Variants in ANKRD17 observed in about 807,000 individuals in gnomAD.
ANKRD17 encodes the protein ankyrin repeat domain 17, also known as ankyrin repeat domain-containing protein 17.
A neutral mutation model predicts 229.7 loss-of-function variants in ANKRD17; 19 were observed. The ratio of observed to expected loss-of-function variants is 0.08; its 90% CI spans 0.06 to 0.12. ANKRD17 has a LOEUF of 0.12. Among genes scored for constraint, ANKRD17 ranks in the 10% least tolerant of loss-of-function variants. The pLI is 1.00. For synonymous variants in ANKRD17, 1,112 were observed against 1,146.1 expected, an observed-to-expected ratio of 0.97 and a Z score of 0.60; for missense variants, 2,176 against 3,176.8, an observed-to-expected ratio of 0.68 and a Z score of 7.57.
intron 16 of ANKRD17, among the ~76,000 whole-genome samples, chr4:73,133,489 A>T (rs72861844): frequency 4.8e-4 from 72 of 150,074 alleles, no homozygotes; most frequent in Admixed American, 1.5e-3. Context: ...CTCCCGGATT[A>T]AAGTGATTCT....
chr4:73,100,585 G>T (rs1007507100), intron 25 of ANKRD17, among the ~76,000 whole-genome samples: 6 of 151,456 alleles, frequency 4.0e-5, no homozygotes, highest in African/African-American at 1.5e-4. Context: ...TCTTAATGTC[G>T]TTGCAGTTAT....
chr4:73,227,478 A>T (rs1742627453), intron 1 of ANKRD17, among the ~76,000 whole-genome samples: 1 of 152,116 alleles, frequency 6.6e-6, no homozygotes, highest in Non-Finnish European at 1.5e-5. Flanking sequence ...AGGCAAGAAA[A>T]TTGTCTTCCC....
intron 1 of ANKRD17, among the ~76,000 whole-genome samples, chr4:73,247,472 T>C (rs1461668257): frequency 6.6e-6 from 1 of 151,958 alleles, no homozygotes; most frequent in Non-Finnish European, 1.5e-5. Flanking sequence ...TCTACCAAAA[T>C]AAAAGATCAA....
intron 2 of ANKRD17, among the ~76,000 whole-genome samples, chr4:73,170,694 G>A (rs887921460): frequency 6.6e-6 from 1 of 150,934 alleles, no homozygotes; most frequent in Admixed American, 6.6e-5. Flanking sequence ...CAAGCTGACT[G>A]AAGAGCCCTT....
chr4:73,124,474 G>A (rs975943672), intron 18 of ANKRD17, among the ~76,000 whole-genome samples: 2 of 151,856 alleles, frequency 1.3e-5, no homozygotes, highest in Non-Finnish European at 2.9e-5. Flanking sequence ...GAAAGGGTGG[G>A]GAAAAATCAA....
At chr4:73,188,141 C>T (rs930490862) in intron 1 of ANKRD17, among the ~76,000 whole-genome samples, 2 of 151,062 alleles carry the variant, frequency 1.3e-5, no homozygotes, top group Admixed American at 1.3e-4. Flanking sequence ...TTGAAAGAAA[C>T]TAAAACTTAG....
intron 16 of ANKRD17, among the ~76,000 whole-genome samples, chr4:73,126,484 T>C (rs1727488225): frequency 6.6e-6 from 1 of 152,076 alleles, no homozygotes; most frequent in Admixed American, 6.6e-5. Flanking sequence ...AAAAAAATTG[T>C]TTCCAAGTAA....
At chr4:73,166,832 T>C (rs925932417) in intron 2 of ANKRD17, among the ~76,000 whole-genome samples, 5 of 152,056 alleles carry the variant, frequency 3.3e-5, no homozygotes, top group African/African-American at 1.2e-4. Context: ...CATGGGTACA[T>C]AGTATGTGTA....
chr4:73,092,011 C>T lies in ANKRD17; in HGVS notation c.5617G>A (p.Val1873Met). The change falls in exon 29 of 34, where the codon GTG (valine) becomes ATG (methionine). Residue 1873 changes from valine to methionine, a missense_variant. By Grantham distance (21) the Val-to-Met change is conservative. Transcript: ENST00000358602. ...HKTIKNPVNN[V>M]RPGFPVSLPL... ...AGAGAAACTGGAAAACCAGGCCTCA[C>T]ATTATTCACTGGGTTCTTAATGGTT... The T allele has an allele frequency of 6.2e-7, 1 of 1,614,202 alleles. No individual in the cohort carries two copies. Among genetic ancestry groups the T allele is most frequent in the Non-Finnish European group, 8.5e-7 (1 of 1,180,032 alleles).
At position 73,144,604 on chromosome 4, in the gene ANKRD17, T is replaced by C. The variant is rs575848480; in HGVS notation, c.1957+141A>G. On this transcript the variant is annotated intron_variant, in intron 11 of 33. Transcript: ENST00000358602. ...TGCATGGCAGGATGTTTATCAACTA[T>C]CCACTCAATCATTAAATGTCAGTAG... is the stretch of plus-strand genomic sequence containing the variant. The C allele has an allele frequency of 4.0e-5, 18 of 453,988 alleles. No individual in the cohort carries two copies. The South Asian group carries it at 1.0e-3, about 26-fold the overall frequency. The allele number at this position is 453,988 out of a possible 1,614,324, so 28.1% of individuals were successfully genotyped here.
At chr4:73,201,661 G>C (rs1345023731) in intron 1 of ANKRD17, among the ~76,000 whole-genome samples, 1 of 152,000 alleles carries the variant, frequency 6.6e-6, no homozygotes, top group African/African-American at 2.4e-5. Flanking sequence ...TGTTTTCCAA[G>C]TTTTCTATGA....
chr4:73,141,710 G>C, intron 14 of ANKRD17, 31 bp downstream of exon 14: 1 of 1,579,888 alleles, frequency 6.3e-7, no homozygotes, highest in East Asian at 2.2e-5. Flanking sequence ...TGGACACCAA[G>C]TAAGAAACAG....
At position 73,258,413 on chromosome 4, in the gene ANKRD17, T is replaced by C; in HGVS notation, c.256A>G (p.Ser86Gly). ...RNRTCRPPSS[S>G]ESSSDSDNSG... ...TTGTCGCTGTCGCTGCTGCTTTCGC[T>C]GCTGCTGGGGGGTCGGCAAGTCCGG... is the stretch of plus-strand genomic sequence containing the variant. The change falls in exon 1 of 34, where the codon AGC (serine) becomes GGC (glycine). Residue 86 changes from serine to glycine, a missense_variant. This residue lies in a region of ANKRD17 where 196 missense variants were observed against 190.0 expected (regional missense o/e 1.03). Coordinates refer to ENST00000358602, the MANE Select transcript of ANKRD17 (RefSeq NM_032217.5). 1.9e-6 allele frequency: 3 copies of C among 1,610,610 alleles called. No homozygotes were observed. Among genetic ancestry groups the C allele is most frequent in the South Asian group, 1.1e-5 (1 of 90,958 alleles).
chr4:73,182,051 C>CAAAAAAAAAAAAAAAA (rs143812968), intron 1 of ANKRD17, among the ~76,000 whole-genome samples: 4 of 43,258 alleles, frequency 9.2e-5, no homozygotes, highest in Non-Finnish European at 1.1e-4. Context: ...CCGTCCCCAC[C>CAAAAAAAAAAAAAAAA]AAAAAAAAAA....
chr4:73,082,156 TAA>T lies in ANKRD17; in HGVS notation c.7159+3091_7159+3092del, dbSNP rs11367760. Among the ~76,000 whole-genome samples, 512 of 129,018 alleles carry T rather than the reference TAA, an allele frequency of 4.0e-3. 1 individual carries two copies. The highest frequency in any genetic ancestry group is 0.013 in the Middle Eastern group (3 of 230). The allele number at this position is 129,018 out of a possible 152,430, so 84.6% of individuals were successfully genotyped here. On this transcript the variant is annotated intron_variant, in intron 30 of 33. Transcript: ENST00000358602. ...CAGAGAGATACATTATCTTTTTATTTAAAAAAAAAAAAAAAAAAAGGGGGGCC... is the reference window on the plus strand; with the variant it reads ...CAGAGAGATACATTATCTTTTTATTTAAAAAAAAAAAAAAAAAGGGGGGCC...
At chr4:73,155,406 A>C (rs1038152179) in intron 5 of ANKRD17, among the ~76,000 whole-genome samples, 4 of 152,186 alleles carry the variant, frequency 2.6e-5, no homozygotes, top group African/African-American at 9.7e-5. Context: ...TTTTACTTTT[A>C]TCTTAAAGAA....
At chr4:73,251,029 G>A (rs1284475706) in intron 1 of ANKRD17, among the ~76,000 whole-genome samples, 10 of 152,032 alleles carry the variant, frequency 6.6e-5, no homozygotes, top group Non-Finnish European at 1.5e-4. Flanking sequence ...ACAGCATTTT[G>A]GGAGCCTGCG....
chr4:73,242,258 G>C (rs1281254010), intron 1 of ANKRD17, among the ~76,000 whole-genome samples: 3 of 152,044 alleles, frequency 2.0e-5, no homozygotes, highest in Non-Finnish European at 4.4e-5. Flanking sequence ...CTGAATACAA[G>C]AATTCAGTTT....
At chr4:73,169,310 A>C (rs1489947408) in intron 2 of ANKRD17, among the ~76,000 whole-genome samples, 1 of 152,176 alleles carries the variant, frequency 6.6e-6, no homozygotes, top group Admixed American at 6.5e-5. Flanking sequence ...GCGCCATTTT[A>C]AACAGTGAGT....
Sources: allele counts gnomAD v4.1 joint callset (sites outside exome capture counted in the v4.1 genomes callset), GRCh38; gene constraint gnomAD v4.1.1; regional missense constraint gnomAD v4.1.1; transcripts MANE v1.5; gene names NCBI Gene and HGNC (gene_info 2026-07-23, HGNC 2026-07-21).